DLGAP2: variants seen among roughly 807,000 people sequenced by gnomAD.
DLGAP2 encodes disks large-associated protein 2.
In DLGAP2, 26 loss-of-function variants were observed where a neutral mutation model predicts 100.3. The observed-to-expected ratio is 0.26, with a 90% CI of 0.19 to 0.36. The LOEUF is 0.36. Among genes scored for constraint, DLGAP2 ranks in the 10% least tolerant of loss-of-function variants. The pLI is 1.00. For synonymous variants in DLGAP2, 886 were observed against 630.1 expected, an observed-to-expected ratio of 1.41 and a Z score of -6.08; for missense variants, 1,858 against 1,453.2, an observed-to-expected ratio of 1.28 and a Z score of -4.53.
At chr8:809,500 T>A (rs1796329450) in intron 1 of DLGAP2, among the ~76,000 whole-genome samples, 1 of 152,064 alleles carries the variant, frequency 6.6e-6, no homozygotes, top group South Asian at 2.1e-4. Flanking sequence ...CCTGATATCT[T>A]AGGCACTTTC....
At chr8:1,306,295 C>G (rs951627018) in intron 3 of DLGAP2, among the ~76,000 whole-genome samples, 1 of 151,890 alleles carries the variant, frequency 6.6e-6, no homozygotes, top group Non-Finnish European at 1.5e-5. Context: ...CAAATACTAT[C>G]AGAATGAACA....
At position 1,626,771 on chromosome 8, in the gene DLGAP2, C is replaced by G; in HGVS notation, c.1474C>G (p.Pro492Ala). ...CTACCTGCAAGCTGCAAGCGATGTG[C>G]CTGTGGGACACAGCCTGGACCCCGC... ...QTYLQAASDV[P>A]VGHSLDPAAN... The change falls in exon 7 of 15, where the codon CCT (proline) becomes GCT (alanine). Residue 492 changes from proline (P) to alanine (A), a missense_variant. Transcript: ENST00000637795. The G allele has an allele frequency of 1.2e-6, 2 of 1,603,994 alleles. No individual in the cohort carries two copies. Among genetic ancestry groups the G allele is most frequent in the South Asian group, 2.3e-5 (2 of 88,434 alleles).
At chr8:1,571,144 G>GTT (rs1231196952) in intron 6 of DLGAP2, among the ~76,000 whole-genome samples, 5 of 130,472 alleles carry the variant, frequency 3.8e-5, no homozygotes, top group Non-Finnish European at 4.8e-5. Flanking sequence ...GAACTGTGGG[G>GTT]GCATCTTCTG....
intron 2 of DLGAP2, chr8:927,055 C>G: frequency 1.0e-6 from 1 of 985,284 alleles, no homozygotes; most frequent in Non-Finnish European, 1.2e-6. Flanking sequence ...CCTGGAGGAG[C>G]CGATGTGGGA....
chr8:1,432,982 C>G (rs955513107), intron 3 of DLGAP2, among the ~76,000 whole-genome samples: 1 of 152,164 alleles, frequency 6.6e-6, no homozygotes, highest in Non-Finnish European at 1.5e-5. Flanking sequence ...TGCTCCAGGA[C>G]TCACAGGCGG....
chr8:757,129 TC>T (rs1436773671), intron 1 of DLGAP2, among the ~76,000 whole-genome samples: 1 of 152,172 alleles, frequency 6.6e-6, no homozygotes, highest in Non-Finnish European at 1.5e-5. Context: ...GTGCTGTTTT[TC>T]CTCATTGCTC....
At chr8:1,302,485 C>A (rs142465352) in intron 3 of DLGAP2, 3 of 152,422 alleles carry the variant, frequency 2.0e-5, no homozygotes, top group Non-Finnish European at 4.4e-5. Context: ...TGCTTCATAC[C>A]TGGGACTGGA....
intron 2 of DLGAP2, among the ~76,000 whole-genome samples, chr8:1,144,496 A>T (rs1405926017): frequency 6.6e-6 from 1 of 152,194 alleles, no homozygotes; most frequent in African/African-American, 2.4e-5. Flanking sequence ...TCCTGCTTTG[A>T]CTGGACGTTG....
chr8:1,086,309 G>T (rs1454214731), intron 2 of DLGAP2, among the ~76,000 whole-genome samples: 1 of 152,250 alleles, frequency 6.6e-6, no homozygotes, highest in South Asian at 2.1e-4. Context: ...GAATAGAAGT[G>T]GTAAGAGTGG....
chr8:1,544,557 C>T (rs565111977), intron 4 of DLGAP2, among the ~76,000 whole-genome samples: 1 of 152,242 alleles, frequency 6.6e-6, no homozygotes, highest in South Asian at 2.1e-4. Flanking sequence ...CATGCCTTTT[C>T]TGTATCAATT....
At chr8:1,274,856 C>T (rs147601260) in intron 3 of DLGAP2, among the ~76,000 whole-genome samples, 1 of 151,930 alleles carries the variant, frequency 6.6e-6, no homozygotes, top group African/African-American at 2.4e-5. Flanking sequence ...ACTTAAAATG[C>T]TCTCTGGCTT....
intron 3 of DLGAP2, among the ~76,000 whole-genome samples, chr8:1,304,464 C>T (rs1385965580): frequency 1.3e-5 from 2 of 152,186 alleles, no homozygotes; most frequent in Non-Finnish European, 2.9e-5. Context: ...CAAAAACAAA[C>T]ATTAAACACT....
intron 3 of DLGAP2, among the ~76,000 whole-genome samples, chr8:1,345,213 G>A (rs10106594): frequency 6.6e-6 from 1 of 151,070 alleles, no homozygotes; most frequent in Non-Finnish European, 1.5e-5. Flanking sequence ...GAGCACTACT[G>A]TATCCTCTGC....
chr8:1,045,341 C>T (rs769743349), intron 2 of DLGAP2, among the ~76,000 whole-genome samples: 2 of 152,124 alleles, frequency 1.3e-5, no homozygotes, highest in African/African-American at 2.4e-5. Flanking sequence ...TACTCAACAC[C>T]CCTTACTTTT....
chr8:1,009,863 A>G (rs1801225755), intron 2 of DLGAP2, among the ~76,000 whole-genome samples: 1 of 152,210 alleles, frequency 6.6e-6, no homozygotes, highest in Admixed American at 6.5e-5. Context: ...ATGCCCATTT[A>G]TCTGTTGGAA....
intron 4 of DLGAP2, among the ~76,000 whole-genome samples, chr8:1,508,995 T>C: frequency 6.6e-6 from 1 of 152,122 alleles, no homozygotes. Flanking sequence ...AAGTTACTGG[T>C]CACTGCCAGC....
chr8:1,531,647 T>A (rs890770822), intron 4 of DLGAP2, among the ~76,000 whole-genome samples: 8 of 152,162 alleles, frequency 5.3e-5, no homozygotes, highest in Non-Finnish European at 8.8e-5. Context: ...GGATGTATAT[T>A]TCCTTTTTTA....
intron 4 of DLGAP2, among the ~76,000 whole-genome samples, chr8:1,507,958 C>T (rs1002330137): frequency 3.3e-5 from 5 of 150,568 alleles, no homozygotes; most frequent in Admixed American, 3.3e-4. Flanking sequence ...ACTGTGACAT[C>T]AAACACGTGG....
At chr8:1,459,612 C>T (rs1798415471) in intron 3 of DLGAP2, among the ~76,000 whole-genome samples, 1 of 151,810 alleles carries the variant, frequency 6.6e-6, no homozygotes, top group South Asian at 2.1e-4. Context: ...GAAATGGGAG[C>T]AGGCCTAGAG....
Sources: gnomAD v4.1 joint callset for allele counts (sites outside exome capture counted in the v4.1 genomes callset) on GRCh38, gnomAD v4.1.1 for gene constraint, MANE v1.5 for transcripts, NCBI Gene and HGNC (gene_info 2026-07-23, HGNC 2026-07-21) for gene names.